The following SYT9 variants were observed in gnomAD, a reference collection of about 807,000 sequenced individuals.
The protein encoded by SYT9 is synaptotagmin 9.
Under a neutral mutation model 48.4 loss-of-function variants are expected in SYT9, and 22 were observed. The observed-to-expected ratio is 0.45, with a 90% CI of 0.32 to 0.65. The LOEUF (loss-of-function observed/expected upper bound fraction) is 0.65. Among genes scored for constraint, SYT9 ranks in the 30% least tolerant of loss-of-function variants. The pLI is 0.03. For missense variants in SYT9, 577 were observed against 622.0 expected, an observed-to-expected ratio of 0.93 and a Z score of 0.77; for synonymous variants, 265 against 245.0, an observed-to-expected ratio of 1.08 and a Z score of -0.76.
intron 3 of SYT9, among the ~76,000 whole-genome samples, chr11:7,324,720 CTTAA>C (rs1021014766): frequency 8.6e-5 from 13 of 151,686 alleles, no homozygotes; most frequent in African/African-American, 2.9e-4. Context: ...ATTTCTGTAA[CTTAA>C]TTAAAAATGT....
chr11:7,373,919 G>A (rs1241702543), intron 3 of SYT9, among the ~76,000 whole-genome samples: 4 of 151,900 alleles, frequency 2.6e-5, no homozygotes, highest in Non-Finnish European at 5.9e-5. Context: ...GTCCTAGAGA[G>A]TTCTTTTATT....
At chr11:7,414,309 C>G (rs1847197183) in intron 3 of SYT9, among the ~76,000 whole-genome samples, 1 of 152,186 alleles carries the variant, frequency 6.6e-6, no homozygotes, top group Non-Finnish European at 1.5e-5. Flanking sequence ...GAGGAGAGAG[C>G]TAGGTGCCGT....
chr11:7,258,184 T>C (rs1479857336), intron 1 of SYT9, among the ~76,000 whole-genome samples: 1 of 152,202 alleles, frequency 6.6e-6, no homozygotes, highest in Admixed American at 6.5e-5. Flanking sequence ...ACAGGTTGAC[T>C]TGAGGGAACT....
intron 6 of SYT9, chr11:7,465,943 C>T (rs977505682): frequency 3.3e-5 from 5 of 152,642 alleles, no homozygotes; most frequent in Non-Finnish European, 7.3e-5. Flanking sequence ...TCAATTACCT[C>T]CCCTGCCGGG....
intron 1 of SYT9, among the ~76,000 whole-genome samples, chr11:7,240,368 G>A (rs74053914): frequency 0.016 from 2,487 of 152,066 alleles, 66 homozygotes; most frequent in African/African-American, 0.056. Flanking sequence ...CCTAACCACC[G>A]CTAGATACTG....
At chr11:7,385,694 A>G (rs1490059748) in intron 3 of SYT9, among the ~76,000 whole-genome samples, 2 of 152,208 alleles carry the variant, frequency 1.3e-5, no homozygotes, top group East Asian at 1.9e-4. Context: ...ATCTATATGC[A>G]TGAGTCAGTT....
intron 3 of SYT9, among the ~76,000 whole-genome samples, chr11:7,414,441 G>C (rs991300548): frequency 1.3e-5 from 2 of 152,214 alleles, no homozygotes; most frequent in Non-Finnish European, 2.9e-5. Context: ...CCAGCAGGAG[G>C]CTGGGTCAAT....
At chr11:7,442,708 G>A (rs1216420467) in intron 6 of SYT9, among the ~76,000 whole-genome samples, 1 of 152,144 alleles carries the variant, frequency 6.6e-6, no homozygotes, top group Non-Finnish European at 1.5e-5. Context: ...TTGACCCAAT[G>A]ACAAGCATCT....
At chr11:7,300,541 C>T (rs1047430755) in intron 1 of SYT9, among the ~76,000 whole-genome samples, 1 of 152,214 alleles carries the variant, frequency 6.6e-6, no homozygotes. Flanking sequence ...CTAAATCCTA[C>T]GGCCTCCCAG....
intron 1 of SYT9, among the ~76,000 whole-genome samples, chr11:7,292,932 G>C (rs1848719613): frequency 6.6e-6 from 1 of 152,152 alleles, no homozygotes; most frequent in African/African-American, 2.4e-5. Context: ...GAACCTTCCT[G>C]TTAGGCAGCA....
At chr11:7,269,060 C>A (rs894899354) in intron 1 of SYT9, among the ~76,000 whole-genome samples, 6 of 152,040 alleles carry the variant, frequency 3.9e-5, no homozygotes. Context: ...GTCATTAGTT[C>A]TTTCCTTTTT....
chr11:7,446,341 G>A (rs1023370455), intron 6 of SYT9, among the ~76,000 whole-genome samples: 3 of 152,202 alleles, frequency 2.0e-5, no homozygotes, highest in Non-Finnish European at 4.4e-5. Context: ...TTACAAGAGT[G>A]CCTAGTACCT....
At position 7,321,132 on chromosome 11, in the gene SYT9, A is replaced by T. The variant is rs1007281354; in HGVS notation, c.1044+7191A>T. Among the ~76,000 whole-genome samples, 7 of 152,232 alleles carry T rather than the reference A, an allele frequency of 4.6e-5. No individual in the cohort carries two copies. In the South Asian group the frequency reaches 1.4e-3, roughly 32 times the overall value. On this transcript the variant is annotated intron_variant, in intron 3 of 6. Coordinates refer to ENST00000318881, the MANE Select transcript of SYT9 (RefSeq NM_175733.4). ...ATTTGGAGAAGATGCCACAGTTCTC[A>T]TGTAATGACAGTAGAAGTAATGAAT...
At chr11:7,324,860 A>G (rs975677096) in intron 3 of SYT9, among the ~76,000 whole-genome samples, 2 of 152,190 alleles carry the variant, frequency 1.3e-5, no homozygotes, top group African/African-American at 2.4e-5. Context: ...TCTCACTCAT[A>G]TCTACATCTT....
At chr11:7,269,612 T>TA (rs138984225) in intron 1 of SYT9, among the ~76,000 whole-genome samples, 3,049 of 152,226 alleles carry the variant, frequency 0.02, 58 homozygotes, top group Non-Finnish European at 0.035. Flanking sequence ...TTCCAGCACT[T>TA]ACATTTACAT....
intron 1 of SYT9, among the ~76,000 whole-genome samples, chr11:7,269,500 G>A (rs1029298921): frequency 6.6e-6 from 1 of 152,072 alleles, no homozygotes. Flanking sequence ...GAGTCTCTAG[G>A]TAGTCTTAAG....
chr11:7,252,012 A>G lies in SYT9; in HGVS notation c.-175A>G. The G allele has an allele frequency of 1.6e-6, 1 of 630,870 alleles. No individual in the cohort carries two copies. The highest frequency in any genetic ancestry group is 2.4e-6 in the Non-Finnish European group (1 of 420,602). 39.1% of individuals were successfully genotyped at this position (630,870 alleles called of 1,614,324 possible). On this transcript the variant is annotated 5_prime_UTR_variant, in exon 1 of 7. Transcript: ENST00000318881. The surrounding 1 kb of genome is among the most constrained non-coding windows in gnomAD (Gnocchi z 6.3). Reference sequence around the variant, plus strand: ...ACCGGCTGGCGAAGAGCTGCATGCAACCGGTGGGAGGCCGGGCCGGCTGGG... The same window carrying G: ...ACCGGCTGGCGAAGAGCTGCATGCAGCCGGTGGGAGGCCGGGCCGGCTGGG...
Position 7,452,824 on chromosome 11 carries a change from G to A in SYT9, c.1468-13968G>A, listed in dbSNP as rs115853372. Among the ~76,000 whole-genome samples the A allele has an allele frequency of 4.6e-3, 704 of 152,104 alleles. 2 individuals carry two copies. The highest frequency in any genetic ancestry group is 0.016 in the African/African-American group (647 of 41,520). On this transcript the variant is annotated intron_variant, in intron 6 of 6. Transcript: ENST00000318881. ...TGAGGTGAGGTTTTGCTCTTGTTGC[G>A]TAGGCTGGAGTGCAATGATGCGATC... is the stretch of plus-strand genomic sequence containing the variant.
At chr11:7,368,221 T>C (rs1489850627) in intron 3 of SYT9, among the ~76,000 whole-genome samples, 1 of 152,264 alleles carries the variant, frequency 6.6e-6, no homozygotes, top group Non-Finnish European at 1.5e-5. Flanking sequence ...TAACATTTCC[T>C]AAACTACCAA....
Sources: gnomAD v4.1 joint callset for allele counts (sites outside exome capture counted in the v4.1 genomes callset) on GRCh38, gnomAD v4.1.1 for gene constraint, Gnocchi (gnomAD v3.1) non-coding constraint, MANE v1.5 for transcripts, NCBI Gene and HGNC (gene_info 2026-07-23, HGNC 2026-07-21) for gene names.